CYRIA: variants seen among roughly 807,000 people sequenced by gnomAD.
CYRIA encodes CYFIP related Rac1 interactor A.
CYRIA carries 15 observed loss-of-function variants against 43.9 expected under a neutral mutation model. The observed-to-expected ratio is 0.34, with a 90% CI of 0.23 to 0.53. The LOEUF is 0.53. Ranked by LOEUF, CYRIA falls within the 20% of genes least tolerant of loss-of-function variation. The pLI is 0.94. For missense variants in CYRIA, 236 were observed against 394.2 expected, an observed-to-expected ratio of 0.60 and a Z score of 3.40; for synonymous variants, 117 against 136.0, an observed-to-expected ratio of 0.86 and a Z score of 0.97.
intron 2 of CYRIA, among the ~76,000 whole-genome samples, chr2:16,611,089 G>A (rs962779524): frequency 2.6e-5 from 4 of 151,832 alleles, no homozygotes; most frequent in African/African-American, 7.3e-5. Flanking sequence ...GCCGGGGGCC[G>A]TGGCTCACGC....
intron 2 of CYRIA, among the ~76,000 whole-genome samples, chr2:16,606,208 C>T (rs1206346534): frequency 6.6e-6 from 1 of 152,120 alleles, no homozygotes; most frequent in African/African-American, 2.4e-5. Context: ...CTCCTCTTCC[C>T]TCACCCAACA....
At chr2:16,620,868 T>C (rs146713244) in intron 2 of CYRIA, among the ~76,000 whole-genome samples, 1 of 152,288 alleles carries the variant, frequency 6.6e-6, no homozygotes, top group African/African-American at 2.4e-5. Context: ...CACCCTTCCC[T>C]GAAGCATCTT....
intron 3 of CYRIA, among the ~76,000 whole-genome samples, chr2:16,583,448 T>C (rs995451933): frequency 1.3e-5 from 2 of 152,150 alleles, no homozygotes; most frequent in African/African-American, 4.8e-5. Context: ...GTGGGAAAAA[T>C]GGATTCTTGG....
intron 1 of CYRIA, among the ~76,000 whole-genome samples, chr2:16,651,554 A>G (rs920405007): frequency 6.6e-5 from 10 of 152,202 alleles, no homozygotes; most frequent in Non-Finnish European, 1.0e-4. Context: ...CCTTGTGAAC[A>G]TGGGTCCCGC....
intron 2 of CYRIA, among the ~76,000 whole-genome samples, chr2:16,621,450 A>G (rs1184841582): frequency 6.6e-6 from 1 of 152,222 alleles, no homozygotes; most frequent in African/African-American, 2.4e-5. Flanking sequence ...GCTAGGGCCC[A>G]GTAAAGATTT....
At chr2:16,611,813 C>T (rs1406759987) in intron 2 of CYRIA, among the ~76,000 whole-genome samples, 3 of 152,106 alleles carry the variant, frequency 2.0e-5, no homozygotes, top group East Asian at 3.8e-4. Context: ...TGAGGGGTCT[C>T]TGGAGTGGCA....
At chr2:16,554,973 G>A (rs1483247503) in intron 11 of CYRIA, 96 bp downstream of exon 11, 7 of 809,882 alleles carry the variant, frequency 8.6e-6, no homozygotes, top group Non-Finnish European at 1.4e-5. Flanking sequence ...AAATATGCAA[G>A]GGTTAAGTTT....
chr2:16,561,869 TTA>T, intron 6 of CYRIA, 134 bp downstream of exon 6: 1 of 815,096 alleles, frequency 1.2e-6, no homozygotes, highest in Non-Finnish European at 1.9e-6. Context: ...TCTCACCACA[TTA>T]TATGTCTCTC....
chr2:16,663,334 T>A (rs1439016677), intron 1 of CYRIA, among the ~76,000 whole-genome samples: 1 of 152,230 alleles, frequency 6.6e-6, no homozygotes, highest in African/African-American at 2.4e-5. Flanking sequence ...GACCAACATT[T>A]GACACTGAGG....
intron 2 of CYRIA, among the ~76,000 whole-genome samples, chr2:16,610,682 GA>G (rs1210114808): frequency 6.6e-6 from 1 of 151,928 alleles, no homozygotes; most frequent in East Asian, 1.9e-4. Flanking sequence ...CATGTAGTTG[GA>G]ACACATGATA....
chr2:16,577,880 G>A (rs1289415241), intron 3 of CYRIA, among the ~76,000 whole-genome samples: 1 of 152,216 alleles, frequency 6.6e-6, no homozygotes, highest in Admixed American at 6.5e-5. Flanking sequence ...GGTGAAGTGT[G>A]GCCATCTATG....
At chr2:16,613,120 G>T (rs781202414) in intron 2 of CYRIA, among the ~76,000 whole-genome samples, 9 of 152,192 alleles carry the variant, frequency 5.9e-5, no homozygotes, top group Non-Finnish European at 1.3e-4. Context: ...TCTTGGGTAT[G>T]TCTTTCTAGC....
At chr2:16,644,542 G>C (rs1211840198) in intron 1 of CYRIA, among the ~76,000 whole-genome samples, 1 of 152,166 alleles carries the variant, frequency 6.6e-6, no homozygotes, top group South Asian at 2.1e-4. Flanking sequence ...TGTTGCTGGG[G>C]CTTAACTACT....
At chr2:16,658,758 TC>T (rs1222621138) in intron 1 of CYRIA, among the ~76,000 whole-genome samples, 2 of 152,118 alleles carry the variant, frequency 1.3e-5, no homozygotes, top group Non-Finnish European at 2.9e-5. Context: ...TTCTCTTCAT[TC>T]CATCCATCTA....
chr2:16,647,163 G>T (rs1244464185), intron 1 of CYRIA, among the ~76,000 whole-genome samples: 15 of 152,256 alleles, frequency 9.9e-5, no homozygotes, highest in African/African-American at 3.6e-4. Flanking sequence ...GTGTTAATTT[G>T]CTCAAGCAAT....
intron 1 of CYRIA, among the ~76,000 whole-genome samples, chr2:16,629,152 C>T (rs1354921096): frequency 1.3e-5 from 2 of 152,150 alleles, no homozygotes; most frequent in African/African-American, 4.8e-5. Context: ...CTGGAGAAAC[C>T]GCAGTCTACT....
rs569415607 is a variant in CYRIA at position 16,613,411 on chromosome 2, C to T, written c.-11+10453G>A. Reference sequence around the variant, plus strand: ...TCCCCTGCTTTCAAAAGGCCTTCATCTAAATCAAATTCTCATGATCCGATA... The same window carrying T: ...TCCCCTGCTTTCAAAAGGCCTTCATTTAAATCAAATTCTCATGATCCGATA... On this transcript the variant is annotated intron_variant, in intron 2 of 11. Coordinates refer to ENST00000381323, the MANE Select transcript of CYRIA (RefSeq NM_030797.4). 7.9e-5 allele frequency among the ~76,000 whole-genome samples: 12 copies of T among 152,264 alleles called. No homozygotes were observed. The East Asian group carries it at 2.1e-3, about 27-fold the overall frequency.
intron 1 of CYRIA, among the ~76,000 whole-genome samples, chr2:16,636,399 C>A (rs186203334): frequency 6.6e-6 from 1 of 152,174 alleles, no homozygotes; most frequent in African/African-American, 2.4e-5. Context: ...TTTCGCCCTT[C>A]CTGGTCTATA....
chr2:16,624,712 C>G (rs1044642266), intron 1 of CYRIA, among the ~76,000 whole-genome samples: 1 of 152,132 alleles, frequency 6.6e-6, no homozygotes, highest in Non-Finnish European at 1.5e-5. Flanking sequence ...TTCCTGGCTC[C>G]TGTGCATTTG....
Sources: allele counts gnomAD v4.1 joint callset (sites outside exome capture counted in the v4.1 genomes callset), GRCh38; gene constraint gnomAD v4.1.1; transcripts MANE v1.5; gene names NCBI Gene and HGNC (gene_info 2026-07-23, HGNC 2026-07-21).